MPHOSPH6: variants seen among roughly 807,000 people sequenced by gnomAD.
MPHOSPH6 encodes M-phase phosphoprotein 6.
In MPHOSPH6, 25 loss-of-function variants were observed where a neutral mutation model predicts 21.8. The ratio of observed to expected loss-of-function variants is 1.15; its 90% CI spans 0.83 to 1.60. The LOEUF (loss-of-function observed/expected upper bound fraction) is 1.60. MPHOSPH6 is among the 40% of genes most tolerant of loss of function. The pLI is 0.00. For missense variants in MPHOSPH6, 269 were observed against 181.8 expected (o/e 1.48, Z -2.76); for synonymous variants, 84 against 56.5 (o/e 1.49, Z -2.18).
chr16:82,159,201 G>A (rs1293550530), intron 2 of MPHOSPH6, among the ~76,000 whole-genome samples: 4 of 152,168 alleles, frequency 2.6e-5, no homozygotes, highest in African/African-American at 7.2e-5. Flanking sequence ...GAGTCTAGCT[G>A]TCTTCTATTA....
At chr16:82,159,926 T>C (rs570992375) in intron 2 of MPHOSPH6, among the ~76,000 whole-genome samples, 3 of 152,288 alleles carry the variant, frequency 2.0e-5, no homozygotes, top group Admixed American at 1.3e-4. Flanking sequence ...CCCAATCTTA[T>C]TCCTTATAGA....
intron 1 of MPHOSPH6, among the ~76,000 whole-genome samples, chr16:82,166,425 T>A (rs891696703): frequency 7.2e-5 from 11 of 152,246 alleles, no homozygotes; most frequent in African/African-American, 2.7e-4. Context: ...GCCTACAGTG[T>A]GTGTCCTTTG....
intron 4 of MPHOSPH6, 96 bp from the exon 5 acceptor site, chr16:82,148,959 A>G: frequency 1.4e-6 from 2 of 1,437,520 alleles, no homozygotes; most frequent in Non-Finnish European, 1.9e-6. Flanking sequence ...AATAAAAAAG[A>G]TTACGAAAAA....
intron 1 of MPHOSPH6, 131 bp downstream of exon 1, chr16:82,169,994 A>G: frequency 2.9e-6 from 3 of 1,048,352 alleles, no homozygotes; most frequent in Non-Finnish European, 4.0e-6. Flanking sequence ...AAGTGAATGA[A>G]TGAGCACGAG....
chr16:82,161,390 A>T (rs184698815), intron 2 of MPHOSPH6, among the ~76,000 whole-genome samples: 29 of 152,328 alleles, frequency 1.9e-4, no homozygotes, highest in African/African-American at 7.0e-4. Context: ...ACAGACCACA[A>T]AACACAAGTA....
In MPHOSPH6 at chr16:82,148,555, A is replaced by G; in HGVS notation, c.*176T>C. 1 of 713,862 alleles carries G rather than the reference A, an allele frequency of 1.4e-6. No individual in the cohort carries two copies. The highest frequency in any genetic ancestry group is 2.1e-6 in the Non-Finnish European group (1 of 478,816). 44.2% of individuals were successfully genotyped at this position (713,862 alleles called of 1,614,324 possible). On this transcript the variant is annotated 3_prime_UTR_variant, in exon 5 of 5. Coordinates refer to ENST00000258169, the MANE Select transcript of MPHOSPH6 (RefSeq NM_005792.2). ...ACTCTGAATGAATACCAAGAAGCAAAGGATGTACAACATCCATCACACATC... is the reference window on the plus strand; with the variant it reads ...ACTCTGAATGAATACCAAGAAGCAAGGGATGTACAACATCCATCACACATC...
intron 1 of MPHOSPH6, 57 bp downstream of exon 1, chr16:82,170,068 G>C: frequency 5.2e-6 from 8 of 1,546,744 alleles, no homozygotes; most frequent in Non-Finnish European, 7.0e-6. Flanking sequence ...GCCCCGGCCA[G>C]GTTGGAAGGA....
intron 1 of MPHOSPH6, among the ~76,000 whole-genome samples, chr16:82,169,665 T>C (rs1027565535): frequency 3.9e-5 from 6 of 152,222 alleles, no homozygotes; most frequent in African/African-American, 1.4e-4. Context: ...AAAAGGAGCT[T>C]GAACTCATGT....
Position 82,170,167 on chromosome 16 carries a change from G to C in MPHOSPH6, c.9C>G (p.Ala3=), listed in dbSNP as rs568887770. MA[A]ERKTRLSKNL... is the part of the protein sequence containing the mutation. Reference sequence around the variant, plus strand: ...TCTTGGACAACCTTGTCTTTCGCTCGGCCGCCATGGTAGCTTCCGCCCAGC... The same window carrying C: ...TCTTGGACAACCTTGTCTTTCGCTCCGCCGCCATGGTAGCTTCCGCCCAGC... The change falls in exon 1 of 5, where the codon GCC becomes GCG. Residue 3 remains alanine, a synonymous_variant. Coordinates refer to ENST00000258169, the MANE Select transcript of MPHOSPH6 (RefSeq NM_005792.2). The C allele has an allele frequency of 2.5e-5, 39 of 1,590,874 alleles. No homozygotes were observed. In the East Asian group the frequency reaches 9.0e-4, roughly 37 times the overall value.
intron 3 of MPHOSPH6, 131 bp from the exon 4 acceptor site, chr16:82,149,534 C>G: frequency 1.4e-6 from 1 of 703,874 alleles, no homozygotes; most frequent in Non-Finnish European, 2.4e-6. Context: ...ATAAGGGACT[C>G]TCTGTAATAC....
chr16:82,161,447 C>G (rs9927736), intron 2 of MPHOSPH6, among the ~76,000 whole-genome samples: 3,036 of 152,198 alleles, frequency 0.02, 102 homozygotes, highest in African/African-American at 0.07. Context: ...CTTGCTACGG[C>G]AAAGGAGGAA....
intron 3 of MPHOSPH6, 176 bp downstream of exon 3, chr16:82,151,248 A>G (rs1009765290): frequency 1.7e-5 from 14 of 848,244 alleles, no homozygotes; most frequent in Non-Finnish European, 2.1e-5. Flanking sequence ...CTCTACCATA[A>G]AACTAGACTG....
At chr16:82,165,129 T>A (rs1267513996) in intron 1 of MPHOSPH6, among the ~76,000 whole-genome samples, 2 of 88,990 alleles carry the variant, frequency 2.2e-5, no homozygotes, top group Admixed American at 1.1e-4. Context: ...TTATTTTTTT[T>A]TTTATTTTTT....
At chr16:82,157,692 T>A (rs986794523) in intron 2 of MPHOSPH6, among the ~76,000 whole-genome samples, 1 of 152,014 alleles carries the variant, frequency 6.6e-6, no homozygotes, top group African/African-American at 2.4e-5. Context: ...AGGAGAGGCG[T>A]CTTTTAAAAG....
intron 2 of MPHOSPH6, among the ~76,000 whole-genome samples, chr16:82,162,469 G>A (rs1199213579): frequency 6.6e-6 from 1 of 152,242 alleles, no homozygotes; most frequent in African/African-American, 2.4e-5. Context: ...TTTGCTGCCA[G>A]GTACCTGGCT....
intron 2 of MPHOSPH6, among the ~76,000 whole-genome samples, chr16:82,160,516 A>G (rs1014868195): frequency 2.0e-5 from 3 of 152,228 alleles, no homozygotes; most frequent in Non-Finnish European, 4.4e-5. Flanking sequence ...CTTGAAAAAC[A>G]GTCTTCCTCT....
At chr16:82,160,983 A>T (rs1392193093) in intron 2 of MPHOSPH6, among the ~76,000 whole-genome samples, 1 of 145,254 alleles carries the variant, frequency 6.9e-6, no homozygotes, top group Non-Finnish European at 1.5e-5. Flanking sequence ...AAGAAGGGAC[A>T]GAGAGAGGAA....
chr16:82,151,497 T>C lies in MPHOSPH6; in HGVS notation c.182A>G (p.Glu61Gly). Reference sequence around the variant, plus strand: ...ATCTTCACATAGTAAGAAACTCTGCTCTTCTATTATGAAACTCCTAAATGG... The same window carrying C: ...ATCTTCACATAGTAAGAAACTCTGCCCTTCTATTATGAAACTCCTAAATGG... ...LKEKESFIIE[E>G]QSFLLCEDLL... The change falls in exon 3 of 5, where the codon GAG becomes GGG. Residue 61 changes from glutamate to glycine, a missense_variant. Transcript: ENST00000258169. 1 of 1,593,808 alleles carries C rather than the reference T, an allele frequency of 6.3e-7. No individual in the cohort carries two copies. The highest frequency in any genetic ancestry group is 1.2e-5 in the South Asian group (1 of 86,476).
chr16:82,167,324 G>A (rs1248204089), intron 1 of MPHOSPH6, among the ~76,000 whole-genome samples: 1 of 152,170 alleles, frequency 6.6e-6, no homozygotes, highest in Non-Finnish European at 1.5e-5. Flanking sequence ...ATTGAAGTGA[G>A]TCAGGATTAA....
Sources: gnomAD v4.1 joint callset for allele counts (sites outside exome capture counted in the v4.1 genomes callset) on GRCh38, gnomAD v4.1.1 for gene constraint, MANE v1.5 for transcripts, NCBI Gene and HGNC (gene_info 2026-07-23, HGNC 2026-07-21) for gene names.